Variants in ARHGAP9 observed in about 807,000 individuals in gnomAD.
The protein encoded by ARHGAP9 is rho GTPase-activating protein 9.
In ARHGAP9, 76 loss-of-function variants were observed where a neutral mutation model predicts 87.3. That is an observed-to-expected ratio of 0.87 (90% CI 0.72 to 1.05). The LOEUF is 1.05. Among genes scored for constraint, ARHGAP9 ranks in the 50% least tolerant of loss-of-function variants. The pLI is 0.00. For missense variants in ARHGAP9, 941 were observed against 960.5 expected (o/e 0.98, Z 0.27); for synonymous variants, 382 against 394.9 (o/e 0.97, Z 0.39).
At chr12:57,488,684 A>AT (rs1185385215) in exon 1 of ARHGAP9, 32 of 1,538,078 alleles carry the variant, frequency 2.1e-5, no homozygotes, top group Non-Finnish European at 2.6e-5. Flanking sequence ...AGTTCTTTTA[A>AT]TTTTGTTCTC....
intron 8 of ARHGAP9, 72 bp downstream of exon 8, chr12:57,476,292 C>G: frequency 6.4e-7 from 1 of 1,566,696 alleles, no homozygotes; most frequent in Non-Finnish European, 8.7e-7. Flanking sequence ...GCCCTCCCCG[C>G]TGCCGCCCCC....
At chr12:57,481,567 C>T (rs750437450), upstream of ARHGAP9, among the ~76,000 whole-genome samples, 2 of 152,052 alleles carry the variant, frequency 1.3e-5, no homozygotes, top group Non-Finnish European at 2.9e-5. Flanking sequence ...TTTCTTTTTA[C>T]AGTCGAACTT....
chr12:57,484,454 G>T (rs960456959), upstream of ARHGAP9, among the ~76,000 whole-genome samples: 2 of 152,104 alleles, frequency 1.3e-5, no homozygotes, highest in African/African-American at 4.8e-5. Context: ...ACACTTTAAG[G>T]ATTATTTGAT....
chr12:57,476,818 G>T, intron 6 of ARHGAP9, 53 bp downstream of exon 6: 1 of 1,534,030 alleles, frequency 6.5e-7, no homozygotes. Context: ...CAGGAAAAGG[G>T]GGGAGGGGGG....
intron 3 of ARHGAP9, 194 bp from the exon 4 acceptor site, chr12:57,477,874 C>A: frequency 1.4e-6 from 2 of 1,397,202 alleles, no homozygotes; most frequent in Admixed American, 5.4e-5. Flanking sequence ...TCACAGTTTT[C>A]TTTGCTCTTC....
chr12:57,474,000 G>A, intron 16 of ARHGAP9, 42 bp downstream of exon 16: 2 of 1,593,124 alleles, frequency 1.3e-6, no homozygotes, highest in Non-Finnish European at 1.7e-6. Flanking sequence ...TACCACCCGT[G>A]TCCCCCACAT....
Position 57,473,602 on chromosome 12 carries a change from C to T in ARHGAP9, c.2024+1G>A. 6.2e-7 allele frequency: 1 copy of T among 1,611,710 alleles called. No homozygotes were observed. On this transcript the variant is annotated splice_donor_variant, in intron 17 of 17. Coordinates refer to ENST00000393791, the MANE Select transcript of ARHGAP9 (RefSeq NM_032496.4). LOFTEE classifies it high-confidence loss of function. ...GAACAAAGAGGTTCTGTCTTCCTGA[C>T]CTGCATAAATGCTCCAGGAGGTACC...
intron 17 of ARHGAP9, among the ~76,000 whole-genome samples, chr12:57,473,151 C>T (rs988639461): frequency 7.9e-5 from 12 of 152,086 alleles, no homozygotes; most frequent in Non-Finnish European, 1.3e-4. Flanking sequence ...TTGACGGGCA[C>T]GGTGTAATCC....
At chr12:57,473,097 A>G (rs985035718) in intron 17 of ARHGAP9, among the ~76,000 whole-genome samples, 3 of 152,168 alleles carry the variant, frequency 2.0e-5, no homozygotes, top group Admixed American at 1.3e-4. Context: ...TCTTGGTTCC[A>G]TTTCCCCACT....
chr12:57,475,652 G>C, intron 10 of ARHGAP9, 37 bp from the exon 11 acceptor site: 1 of 1,597,594 alleles, frequency 6.3e-7, no homozygotes, highest in Non-Finnish European at 8.5e-7. Context: ...GGTGAGAGAG[G>C]AGAGAAATCT....
chr12:57,488,161 G>C lies in ARHGAP9; in HGVS notation c.-204+451C>G, dbSNP rs771461328. ...CTGGCCGCCGCCGGGAGAGCCCGGG[G>C]CAGAGCAGAGGTGCTCATCAGCACT... On this transcript the variant is annotated intron_variant, in intron 1 of 20. Coordinates refer to the ARHGAP9 transcript ENST00000393797. 1.9e-5 allele frequency: 30 copies of C among 1,614,172 alleles called. 1 individual carries two copies. In the Admixed American group the frequency reaches 4.5e-4, roughly 24 times the overall value.
Position 57,474,972 on chromosome 12 carries a change from G to C in ARHGAP9, c.1554C>G (p.Asp518Glu). The C allele has an allele frequency of 6.2e-7, 1 of 1,613,672 alleles. No individual in the cohort carries two copies. Among genetic ancestry groups the C allele is most frequent in the Non-Finnish European group, 8.5e-7 (1 of 1,179,968 alleles). ...ATTCCAACTGGCAGCCGAACACCTG[G>C]TCTGGGGAAGTAGAGTGAGGCGGGA... ...QSLQERGLLR[D>E]QVFGCQLESL... Residue 518 changes from aspartate (D) to glutamate (E), a missense_variant and splice_region_variant, in exon 13 of 18, where the codon GAC becomes GAG. Transcript: ENST00000393791.
At chr12:57,485,824 C>T (rs1266543172) in intron 1 of ARHGAP9, among the ~76,000 whole-genome samples, 1 of 152,084 alleles carries the variant, frequency 6.6e-6, no homozygotes, top group East Asian at 1.9e-4. Flanking sequence ...GAGACCCTAC[C>T]AAGGGTTACT....
At position 57,484,985 on chromosome 12, in the gene ARHGAP9, G is replaced by A. The variant is rs571306435; in HGVS notation, c.-203-1022C>T. ...TTTTGAGACAGAGTCTGGCTCTGTC[G>A]TCCAGGCTGGAGTGCAATGGCACGA... is the stretch of plus-strand genomic sequence containing the variant. On this transcript the variant is annotated intron_variant, in intron 1 of 20. Coordinates refer to the ARHGAP9 transcript ENST00000393797. Among the ~76,000 whole-genome samples the A allele has an allele frequency of 4.8e-5, 7 of 145,676 alleles. No homozygotes were observed. In the South Asian group the frequency reaches 8.7e-4, roughly 18 times the overall value.
At chr12:57,475,734 C>A in intron 10 of ARHGAP9, 99 bp downstream of exon 10, 1 of 1,483,116 alleles carries the variant, frequency 6.7e-7, no homozygotes, top group Non-Finnish European at 9.0e-7. Flanking sequence ...CTCCACTGAG[C>A]CCACCCTGCC....
At chr12:57,476,990 T>TG in intron 5 of ARHGAP9, 27 bp from the exon 6 acceptor site, 1 of 1,519,724 alleles carries the variant, frequency 6.6e-7, no homozygotes, top group Non-Finnish European at 8.8e-7. Flanking sequence ...GAGAAACAGG[T>TG]GGGGAAACGC....
chr12:57,479,615 T>C, intron 1 of ARHGAP9, 115 bp downstream of exon 1: 1 of 1,542,308 alleles, frequency 6.5e-7, no homozygotes, highest in Non-Finnish European at 8.7e-7. Context: ...CCTGGTGGTG[T>C]CTGGTGAGGA....
chr12:57,481,851 G>A (rs1875035857), upstream of ARHGAP9, among the ~76,000 whole-genome samples: 1 of 152,132 alleles, frequency 6.6e-6, no homozygotes, highest in African/African-American at 2.4e-5. Context: ...TTAAACCACA[G>A]AAGCCTATCT....
rs1322710120 is a variant in ARHGAP9 at position 57,475,326 on chromosome 12, G to A, written c.1517C>T (p.Pro506Leu). ...ACCCCGCTCCTGCAGGCTTTGTAAG[G>A]GCGGTCTCTTCGCGATGAGCCGCTT... is the stretch of plus-strand genomic sequence containing the variant. ...KLKRLIAKRPPLQSLQERGLL... is the reference protein window; with the variant it reads ...KLKRLIAKRPLLQSLQERGLL... The change falls in exon 12 of 18, where the codon CCC (proline) becomes CTC (leucine). Residue 506 changes from proline (P) to leucine (L), a missense_variant. By Grantham distance (98) the Pro-to-Leu change is moderately conservative. Coordinates refer to ENST00000393791, the MANE Select transcript of ARHGAP9 (RefSeq NM_032496.4). The A allele has an allele frequency of 1.2e-6, 2 of 1,602,358 alleles. No homozygotes were observed. Among genetic ancestry groups the A allele is most frequent in the African/African-American group, 1.3e-5 (1 of 74,958 alleles).
Sources: allele counts gnomAD v4.1 joint callset (sites outside exome capture counted in the v4.1 genomes callset), GRCh38; gene constraint gnomAD v4.1.1; transcripts MANE v1.5; gene names NCBI Gene and HGNC (gene_info 2026-07-23, HGNC 2026-07-21).